Variants in AGBL1 observed in about 807,000 individuals in gnomAD.
AGBL1 encodes cytosolic carboxypeptidase 4.
A neutral mutation model predicts 118.9 loss-of-function variants in AGBL1; 130 were observed. That is an observed-to-expected ratio of 1.09 (90% confidence interval 0.95 to 1.26). AGBL1 has a LOEUF of 1.26. AGBL1 is among the 50% of genes most tolerant of loss of function. The probability of loss-of-function intolerance (pLI) is 0.00; values close to 1 mark genes in which losing one functional copy is unlikely to be tolerated. For missense variants in AGBL1, 1,584 were observed against 1,298.1 expected (o/e 1.22, Z -3.38); for synonymous variants, 555 against 478.9 (o/e 1.16, Z -2.08).
intron 22 of AGBL1, among the ~76,000 whole-genome samples, chr15:86,679,831 T>C (rs1237536094): frequency 6.6e-6 from 1 of 152,134 alleles, no homozygotes; most frequent in African/African-American, 2.4e-5. Flanking sequence ...ATTAATAAAA[T>C]CTTATAGATT....
chr15:86,381,745 C>G (rs16976571), intron 17 of AGBL1, among the ~76,000 whole-genome samples: 2 of 151,952 alleles, frequency 1.3e-5, no homozygotes, highest in Admixed American at 1.3e-4. Context: ...CGTGAGAGGG[C>G]TTTCCTGCAG....
At chr15:86,741,265 G>A (rs984485606) in intron 22 of AGBL1, among the ~76,000 whole-genome samples, 1 of 151,028 alleles carries the variant, frequency 6.6e-6, no homozygotes, top group African/African-American at 2.4e-5. Flanking sequence ...CAACAAGGAA[G>A]ACAAACAATA....
At chr15:86,845,047 C>T (rs1036835193) in intron 22 of AGBL1, among the ~76,000 whole-genome samples, 3 of 152,064 alleles carry the variant, frequency 2.0e-5, no homozygotes, top group Non-Finnish European at 4.4e-5. Flanking sequence ...CACTTTTATG[C>T]AGTGCTTGCT....
At chr15:86,428,540 G>A (rs762213858) in intron 18 of AGBL1, among the ~76,000 whole-genome samples, 32 of 152,130 alleles carry the variant, frequency 2.1e-4, no homozygotes, top group Non-Finnish European at 7.3e-5. Flanking sequence ...TAAAAGATAT[G>A]CATTGTGTTT....
At chr15:86,972,621 A>T (rs1475147274) in intron 23 of AGBL1, among the ~76,000 whole-genome samples, 1 of 152,014 alleles carries the variant, frequency 6.6e-6, no homozygotes. Flanking sequence ...ATACCATTAA[A>T]TGTTTGACTT....
chr15:86,526,556 A>G lies in AGBL1; in HGVS notation c.2685+3617A>G, dbSNP rs1248548869. On this transcript the variant is annotated intron_variant, in intron 19 of 22. Coordinates refer to ENST00000614907, the MANE Select transcript of AGBL1 (RefSeq NM_001386094.1). The stretch of plus-strand genomic sequence containing the variant: ...TGTTTGTGTCTGTGTATATATATAT[A>G]TATATATATATATATATACACACAG... Among the ~76,000 whole-genome samples the G allele has an allele frequency of 5.8e-5, 8 of 137,968 alleles. No individual in the cohort carries two copies. In the East Asian group the frequency reaches 6.3e-4, roughly 11 times the overall value. The allele number at this position is 137,968 out of a possible 152,430, so 90.5% of individuals were successfully genotyped here. A position where few individuals can be genotyped will look rare whatever the true frequency, so the allele number is the denominator to read the frequency against.
At chr15:86,473,775 G>A (rs978658283) in intron 18 of AGBL1, among the ~76,000 whole-genome samples, 7 of 152,094 alleles carry the variant, frequency 4.6e-5, no homozygotes, top group Non-Finnish European at 1.0e-4. Context: ...TTCTAGTGTT[G>A]CACTGTTGCC....
At chr15:86,838,068 GA>G (rs962217525) in intron 22 of AGBL1, among the ~76,000 whole-genome samples, 1 of 152,006 alleles carries the variant, frequency 6.6e-6, no homozygotes, top group Non-Finnish European at 1.5e-5. Context: ...TTATGCTATG[GA>G]AACTAATTGA....
chr15:86,776,596 C>T (rs563757360), intron 22 of AGBL1, among the ~76,000 whole-genome samples: 1 of 151,588 alleles, frequency 6.6e-6, no homozygotes. Context: ...TATTTTCATC[C>T]AGTTTGTGAC....
chr15:86,467,192 T>C (rs1323597832), intron 18 of AGBL1, among the ~76,000 whole-genome samples: 1 of 152,104 alleles, frequency 6.6e-6, no homozygotes, highest in Non-Finnish European at 1.5e-5. Flanking sequence ...AATCTAGAGA[T>C]GCAGTCTGGC....
intron 1 of AGBL1, among the ~76,000 whole-genome samples, chr15:86,104,169 A>C (rs1896896268): frequency 6.6e-6 from 1 of 152,092 alleles, no homozygotes; most frequent in African/African-American, 2.4e-5. Flanking sequence ...CTCCCAGATA[A>C]CACATTTTGG....
At chr15:86,996,013 G>C (rs8033002) in intron 24 of AGBL1, among the ~76,000 whole-genome samples, 15,056 of 152,030 alleles carry the variant, frequency 0.099, 1,332 homozygotes, top group African/African-American at 0.23. Flanking sequence ...ATTTTCTCAG[G>C]TTCACTGTAT....
chr15:86,746,211 C>G (rs933319213), intron 22 of AGBL1, among the ~76,000 whole-genome samples: 1 of 152,146 alleles, frequency 6.6e-6, no homozygotes, highest in Non-Finnish European at 1.5e-5. Flanking sequence ...ACTCCTTCCG[C>G]ACATCCTTCT....
chr15:86,686,666 T>A (rs959292210), intron 22 of AGBL1, among the ~76,000 whole-genome samples: 27 of 152,106 alleles, frequency 1.8e-4, no homozygotes, highest in African/African-American at 6.3e-4. Flanking sequence ...CTTGAACTCC[T>A]AACCTCGTGA....
chr15:86,875,657 C>T (rs538683165), intron 22 of AGBL1, among the ~76,000 whole-genome samples: 2 of 152,288 alleles, frequency 1.3e-5, no homozygotes, highest in South Asian at 4.1e-4. Context: ...GGATATTGAA[C>T]CCCTGGCTTT....
chr15:87,009,497 A>T (rs931371642), intron 24 of AGBL1, among the ~76,000 whole-genome samples: 2 of 152,224 alleles, frequency 1.3e-5, no homozygotes, highest in Non-Finnish European at 2.9e-5. Flanking sequence ...GTGGAAGAGA[A>T]ATGTTGGATT....
At chr15:86,725,437 G>A (rs1036725475) in intron 22 of AGBL1, among the ~76,000 whole-genome samples, 5 of 152,208 alleles carry the variant, frequency 3.3e-5, no homozygotes, top group Non-Finnish European at 7.3e-5. Flanking sequence ...TGGGAGGTCA[G>A]TTTAGCAGAG....
At chr15:86,410,824 AT>A (rs1596080394) in intron 18 of AGBL1, among the ~76,000 whole-genome samples, 3 of 113,030 alleles carry the variant, frequency 2.7e-5, no homozygotes, top group African/African-American at 3.6e-5. Flanking sequence ...ATATATATAT[AT>A]ATATATATAT....
At chr15:86,251,794 G>A (rs1597625244) in intron 7 of AGBL1, among the ~76,000 whole-genome samples, 2 of 149,152 alleles carry the variant, frequency 1.3e-5, no homozygotes, top group South Asian at 4.2e-4. Flanking sequence ...GAAAGAGGAA[G>A]ACGGATGACA....
Sources: gnomAD v4.1 joint callset for allele counts (sites outside exome capture counted in the v4.1 genomes callset) on GRCh38, gnomAD v4.1.1 for gene constraint, MANE v1.5 for transcripts, NCBI Gene and HGNC (gene_info 2026-07-23, HGNC 2026-07-21) for gene names.